ERC2: variants seen among roughly 807,000 people sequenced by gnomAD.
ERC2 encodes ELKS/RAB6-interacting/CAST family member 2.
A neutral mutation model predicts 114.8 loss-of-function variants in ERC2; 42 were observed. That is an observed-to-expected ratio of 0.37 (90% CI 0.29 to 0.47). The LOEUF (loss-of-function observed/expected upper bound fraction) is 0.47. Among genes scored for constraint, ERC2 ranks in the 20% least tolerant of loss-of-function variants. ERC2 has a pLI of 0.99. For synonymous variants in ERC2, 454 were observed against 425.5 expected, an observed-to-expected ratio of 1.07 and a Z score of -0.82; for missense variants, 939 against 1,150.7, an observed-to-expected ratio of 0.82 and a Z score of 2.66.
At chr3:56,066,355 C>T (rs1323409782) in intron 7 of ERC2, among the ~76,000 whole-genome samples, 1 of 152,188 alleles carries the variant, frequency 6.6e-6, no homozygotes, top group African/African-American at 2.4e-5. Context: ...TAAATGTCTT[C>T]TTTTGAGAAG....
chr3:56,185,679 G>A (rs1371693115), intron 3 of ERC2, among the ~76,000 whole-genome samples: 1 of 152,058 alleles, frequency 6.6e-6, no homozygotes, highest in Non-Finnish European at 1.5e-5. Flanking sequence ...GTAGTGGGCA[G>A]AATAAAAAAG....
chr3:56,267,334 C>T (rs990545746), intron 3 of ERC2, among the ~76,000 whole-genome samples: 3 of 152,150 alleles, frequency 2.0e-5, no homozygotes, highest in Non-Finnish European at 4.4e-5. Context: ...AGCTATAAGA[C>T]ATTATGCTAA....
At chr3:56,409,880 G>A (rs1445449852) in intron 2 of ERC2, among the ~76,000 whole-genome samples, 2 of 152,152 alleles carry the variant, frequency 1.3e-5, no homozygotes, top group Non-Finnish European at 2.9e-5. Flanking sequence ...GGCTTTCCAC[G>A]CTATCTCATG....
chr3:55,680,547 C>T (rs532241122), intron 17 of ERC2, among the ~76,000 whole-genome samples: 8 of 152,338 alleles, frequency 5.3e-5, no homozygotes, highest in African/African-American at 1.2e-4. Context: ...AATTGAGGAG[C>T]TGCTTTTTCT....
intron 3 of ERC2, among the ~76,000 whole-genome samples, chr3:56,270,877 G>A (rs2053613963): frequency 6.6e-6 from 1 of 152,176 alleles, no homozygotes; most frequent in African/African-American, 2.4e-5. Flanking sequence ...AGCTACTTGG[G>A]AGGCTGAGGC....
chr3:55,660,467 G>C (rs2061077413), intron 17 of ERC2, among the ~76,000 whole-genome samples: 1 of 152,076 alleles, frequency 6.6e-6, no homozygotes, highest in East Asian at 1.9e-4. Context: ...GAACCTGGGG[G>C]GTGGGGCGGG....
At chr3:55,954,959 T>C (rs72880905) in intron 12 of ERC2, among the ~76,000 whole-genome samples, 207 of 152,202 alleles carry the variant, frequency 1.4e-3, no homozygotes, top group African/African-American at 4.6e-3. Flanking sequence ...AGTATATTCA[T>C]AATATAAAAT....
intron 8 of ERC2, among the ~76,000 whole-genome samples, chr3:56,016,490 G>A (rs1459387996): frequency 6.8e-6 from 1 of 147,826 alleles, no homozygotes; most frequent in African/African-American, 2.5e-5. Flanking sequence ...TCTTTTTAGA[G>A]CTCCTAGGTT....
At chr3:56,143,470 T>C (rs28689027) in intron 5 of ERC2, among the ~76,000 whole-genome samples, 4,542 of 152,262 alleles carry the variant, frequency 0.03, 72 homozygotes, top group Middle Eastern at 0.065. Flanking sequence ...GTTCTCATGA[T>C]AGTGAATAAA....
chr3:56,382,689 C>T (rs747229984), intron 2 of ERC2, among the ~76,000 whole-genome samples: 1 of 152,114 alleles, frequency 6.6e-6, no homozygotes, highest in Non-Finnish European at 1.5e-5. Context: ...GTTGCAATAT[C>T]GCAGTGTTCA....
intron 13 of ERC2, among the ~76,000 whole-genome samples, chr3:55,933,721 C>T (rs1410623803): frequency 6.6e-6 from 1 of 152,198 alleles, no homozygotes; most frequent in Non-Finnish European, 1.5e-5. Flanking sequence ...TCCTCAGTCA[C>T]CTCACTCCTG....
chr3:55,576,175 G>A (rs1436048989), intron 17 of ERC2, among the ~76,000 whole-genome samples: 1 of 151,984 alleles, frequency 6.6e-6, no homozygotes, highest in Non-Finnish European at 1.5e-5. Context: ...TCCAGGCATG[G>A]TGGCACACCT....
chr3:56,295,314 T>A (rs935507969), intron 3 of ERC2, among the ~76,000 whole-genome samples: 2 of 152,128 alleles, frequency 1.3e-5, no homozygotes, highest in African/African-American at 4.8e-5. Flanking sequence ...CTATTAAAAT[T>A]TCAAACCTTG....
At chr3:56,325,219 T>C (rs367961332) in intron 2 of ERC2, among the ~76,000 whole-genome samples, 23 of 151,954 alleles carry the variant, frequency 1.5e-4, no homozygotes, top group African/African-American at 5.5e-4. Flanking sequence ...CCGAGATGGG[T>C]GGATTACGAG....
At chr3:55,842,643 C>G (rs1232077689) in intron 14 of ERC2, among the ~76,000 whole-genome samples, 1 of 151,248 alleles carries the variant, frequency 6.6e-6, no homozygotes, top group East Asian at 1.9e-4. Context: ...TCAACTTTAT[C>G]AAGGGTCTGT....
At chr3:56,262,101 A>G (rs552501131) in intron 3 of ERC2, among the ~76,000 whole-genome samples, 6 of 152,106 alleles carry the variant, frequency 3.9e-5, no homozygotes, top group African/African-American at 1.4e-4. Context: ...CATTTTTTTT[A>G]TCCAGCCTAT....
At chr3:55,723,058 G>A (rs956583605) in intron 15 of ERC2, among the ~76,000 whole-genome samples, 15 of 152,078 alleles carry the variant, frequency 9.9e-5, no homozygotes, top group Admixed American at 9.8e-4. Flanking sequence ...TGAAAAGCTA[G>A]AAACAAATCA....
chr3:55,945,015 C>T (rs1164216080), intron 13 of ERC2, among the ~76,000 whole-genome samples: 4 of 152,198 alleles, frequency 2.6e-5, no homozygotes, highest in Admixed American at 2.6e-4. Context: ...CTTAATGGAA[C>T]TTCCCAATCT....
intron 14 of ERC2, among the ~76,000 whole-genome samples, chr3:55,843,706 A>C (rs1175277199): frequency 6.6e-6 from 1 of 152,226 alleles, no homozygotes; most frequent in Admixed American, 6.5e-5. Flanking sequence ...AAGTTCTCCC[A>C]TTCCTTAATC....
Sources: allele counts gnomAD v4.1 joint callset (sites outside exome capture counted in the v4.1 genomes callset), GRCh38; gene constraint gnomAD v4.1.1; transcripts MANE v1.5; gene names NCBI Gene and HGNC (gene_info 2026-07-23, HGNC 2026-07-21).